The following SAMSN1 variants were observed in gnomAD, a reference collection of about 807,000 sequenced individuals.
The protein encoded by SAMSN1 is SAM domain-containing protein SAMSN-1.
Under a neutral mutation model 42.0 loss-of-function variants are expected in SAMSN1, and 31 were observed. That is an observed-to-expected ratio of 0.74 (90% CI 0.55 to 1.00). The LOEUF (loss-of-function observed/expected upper bound fraction) is 1.00, where lower values mean the gene tolerates loss of function less well. Among genes scored for constraint, SAMSN1 ranks in the 50% least tolerant of loss-of-function variants. The pLI, the probability that SAMSN1 is intolerant of heterozygous loss-of-function variation, is 0.00. For synonymous variants in SAMSN1, 178 were observed against 151.9 expected (o/e 1.17, Z -1.26); for missense variants, 464 against 439.4 (o/e 1.06, Z -0.50).
At chr21:14,530,359 G>C (rs1478945264) in intron 1 of SAMSN1, among the ~76,000 whole-genome samples, 1 of 110,554 alleles carries the variant, frequency 9.0e-6, no homozygotes, top group Non-Finnish European at 2.1e-5. Flanking sequence ...CACCAAATCC[G>C]AAGATTGTGA....
At chr21:14,652,775 A>C (rs746017385) in intron 1 of SAMSN1, among the ~76,000 whole-genome samples, 3 of 152,098 alleles carry the variant, frequency 2.0e-5, no homozygotes, top group Non-Finnish European at 4.4e-5. Flanking sequence ...AAACATTTGC[A>C]CAATATCCAT....
chr21:14,576,898 T>C (rs1981483385), intron 2 of SAMSN1, among the ~76,000 whole-genome samples: 1 of 152,024 alleles, frequency 6.6e-6, no homozygotes, highest in South Asian at 2.1e-4. Flanking sequence ...TTCTTTTGGG[T>C]CTTTGACTTT....
intron 2 of SAMSN1, among the ~76,000 whole-genome samples, chr21:14,559,403 T>C (rs551939569): frequency 1.2e-4 from 18 of 152,306 alleles, no homozygotes; most frequent in South Asian, 6.2e-4. Flanking sequence ...AGCACAGCTT[T>C]GATCACCACC....
Position 14,539,121 on chromosome 21 carries a change from A to AT in SAMSN1, c.57+7083dup, listed in dbSNP as rs1979831733. ...CTTTAGGTAACAATGGGATTCTTTC[A>AT]TAACATTGGGTATATTAGAGTTCTT... On this transcript the variant is annotated intron_variant, in intron 1 of 7. Transcript: ENST00000400566. Among the ~76,000 whole-genome samples, 5 of 152,324 alleles carry AT rather than the reference A, an allele frequency of 3.3e-5. No individual in the cohort carries two copies. In the South Asian group the frequency reaches 1.0e-3, roughly 32 times the overall value.
chr21:14,515,707 C>T (rs757480511), intron 3 of SAMSN1, among the ~76,000 whole-genome samples: 25 of 152,058 alleles, frequency 1.6e-4, no homozygotes, highest in Non-Finnish European at 3.4e-4. Context: ...ATACAATCCA[C>T]AGAATTGGAG....
intron 1 of SAMSN1, among the ~76,000 whole-genome samples, chr21:14,524,304 G>A (rs1320995001): frequency 1.3e-5 from 2 of 152,074 alleles, no homozygotes; most frequent in Non-Finnish European, 2.9e-5. Context: ...TAATTGTAAT[G>A]TATTAGACTT....
intron 6 of SAMSN1, among the ~76,000 whole-genome samples, chr21:14,498,941 A>G (rs1000772227): frequency 1.3e-5 from 2 of 152,238 alleles, no homozygotes; most frequent in Non-Finnish European, 2.9e-5. Flanking sequence ...CTTTAAGTCT[A>G]TCAATAAAAT....
At chr21:14,552,195 T>A (rs1262866114) in intron 2 of SAMSN1, among the ~76,000 whole-genome samples, 1 of 152,114 alleles carries the variant, frequency 6.6e-6, no homozygotes, top group Non-Finnish European at 1.5e-5. Flanking sequence ...AGACACTTAT[T>A]GGCCCTCAAT....
At chr21:14,540,019 C>T (rs2038420107) in intron 1 of SAMSN1, among the ~76,000 whole-genome samples, 1 of 152,084 alleles carries the variant, frequency 6.6e-6, no homozygotes, top group African/African-American at 2.4e-5. Context: ...CTTTGACAAA[C>T]CTGAGAAAAC....
intron 4 of SAMSN1, chr21:14,612,688 T>G (rs1369429678): frequency 2.3e-5 from 15 of 650,852 alleles, no homozygotes; most frequent in Non-Finnish European, 4.1e-5. Context: ...AAATCAATGA[T>G]TTCTTTGTCA....
Position 14,498,367 on chromosome 21 carries a change from C to T in SAMSN1, c.919+75G>A, listed in dbSNP as rs187215346. On this transcript the variant is annotated intron_variant, in intron 7 of 7. Transcript: ENST00000400566. ...ATGATCTCAGTAAATAAAACTGGGG[C>T]TTTGTTTCTAATGATTATACTATTT... 23 of 1,276,836 alleles carry T rather than the reference C, an allele frequency of 1.8e-5. No individual in the cohort carries two copies. The East Asian group carries it at 5.0e-4, about 28-fold the overall frequency. 79.1% of individuals were successfully genotyped at this position (1,276,836 alleles called of 1,614,324 possible).
intron 1 of SAMSN1, among the ~76,000 whole-genome samples, chr21:14,530,620 C>G (rs967755959): frequency 6.6e-6 from 1 of 152,136 alleles, no homozygotes; most frequent in African/African-American, 2.4e-5. Context: ...CTAAAACTGA[C>G]AAAAAGTTTT....
At chr21:14,628,084 A>G (rs1179160083) in intron 2 of SAMSN1, among the ~76,000 whole-genome samples, 3 of 152,326 alleles carry the variant, frequency 2.0e-5, no homozygotes, top group Non-Finnish European at 2.9e-5. Flanking sequence ...AATAAGACTT[A>G]AAAATATCAA....
chr21:14,640,694 A>T (rs1983573499), intron 2 of SAMSN1, among the ~76,000 whole-genome samples: 1 of 152,134 alleles, frequency 6.6e-6, no homozygotes, highest in Non-Finnish European at 1.5e-5. Context: ...TATTCATCTA[A>T]GCTGTGAAAT....
At chr21:14,500,373 G>A (rs1987094262) in intron 6 of SAMSN1, among the ~76,000 whole-genome samples, 156 bp downstream of exon 6, 1 of 152,158 alleles carries the variant, frequency 6.6e-6, no homozygotes, top group Non-Finnish European at 1.5e-5. Flanking sequence ...GCATAAAAAA[G>A]TAATAAAAGA....
intron 1 of SAMSN1, among the ~76,000 whole-genome samples, chr21:14,539,681 G>T (rs1482614838): frequency 6.6e-6 from 1 of 152,112 alleles, no homozygotes; most frequent in Non-Finnish European, 1.5e-5. Context: ...ATGCTCATGG[G>T]TGGGAAGAAT....
At chr21:14,638,445 G>T (rs1369537987) in intron 2 of SAMSN1, among the ~76,000 whole-genome samples, 1 of 152,038 alleles carries the variant, frequency 6.6e-6, no homozygotes, top group Non-Finnish European at 1.5e-5. Context: ...CTAGGGCAGG[G>T]GTTAGCAAAC....
intron 6 of SAMSN1, chr21:14,598,153 G>A (rs887606292): frequency 4.6e-5 from 7 of 152,042 alleles, no homozygotes; most frequent in South Asian, 2.1e-4. Context: ...TTCAGTCCTG[G>A]GTAGGGGTGC....
chr21:14,516,741 AC>A (rs1313155474), intron 3 of SAMSN1, 150 bp downstream of exon 3: 14 of 605,586 alleles, frequency 2.3e-5, no homozygotes, highest in Non-Finnish European at 3.8e-5. Flanking sequence ...TGAAAGTAAT[AC>A]TTCCTTCCAC....
Sources: allele counts gnomAD v4.1 joint callset (sites outside exome capture counted in the v4.1 genomes callset), GRCh38; gene constraint gnomAD v4.1.1; transcripts MANE v1.5; gene names NCBI Gene and HGNC (gene_info 2026-07-23, HGNC 2026-07-21).